Variants in SPG11 observed in about 807,000 individuals in gnomAD.
The protein encoded by SPG11 is SPG11 vesicle trafficking associated, spatacsin, also known as spatacsin.
SPG11 carries 222 observed loss-of-function variants against 274.0 expected under a neutral mutation model. The ratio of observed to expected loss-of-function variants is 0.81; its 90% CI spans 0.73 to 0.91. SPG11 has a LOEUF of 0.91. Ranked by LOEUF, SPG11 falls within the 40% of genes least tolerant of loss-of-function variation. The probability of loss-of-function intolerance (pLI) is 0.00; values close to 1 mark genes in which losing one functional copy is unlikely to be tolerated. For synonymous variants in SPG11, 1,144 were observed against 1,039.7 expected (o/e 1.10, Z -1.93); for missense variants, 3,114 against 2,872.7 (o/e 1.08, Z -1.92).
chr15:44,618,131 C>G (rs2083637331), intron 15 of SPG11, among the ~76,000 whole-genome samples: 2 of 152,058 alleles, frequency 1.3e-5, no homozygotes, highest in Admixed American at 1.3e-4. Flanking sequence ...TTGTCTTGCT[C>G]CAAATCTAAA....
intron 15 of SPG11, among the ~76,000 whole-genome samples, chr15:44,619,239 A>G (rs1392378984): frequency 6.6e-6 from 1 of 152,224 alleles, no homozygotes; most frequent in Non-Finnish European, 1.5e-5. Flanking sequence ...GTATACCCCA[A>G]TAAGTGTAAA....
In SPG11 at chr15:44,572,658, T is replaced by C. The variant is rs1464984276; in HGVS notation, c.6343+25A>G. On this transcript the variant is annotated intron_variant, in intron 33 of 39. Coordinates refer to ENST00000261866, the MANE Select transcript of SPG11 (RefSeq NM_025137.4). ...TTGAGACCTGTTTAGGGCCAAAATA[T>C]GTAAGAAAAAGGTCAATAACTTACT... The C allele has an allele frequency of 3.1e-6, 5 of 1,613,922 alleles. No homozygotes were observed. In the South Asian group the frequency reaches 5.5e-5, roughly 18 times the overall value.
Position 44,564,675 on chromosome 15 carries a change from G to C in SPG11, c.7023C>G (p.Tyr2341Ter), listed in dbSNP as rs80338869. 1 of 1,613,856 alleles carries C rather than the reference G, an allele frequency of 6.2e-7. No individual in the cohort carries two copies. The highest frequency in any genetic ancestry group is 1.3e-5 in the African/African-American group (1 of 74,878). Residue 2341 changes from tyrosine to a stop codon, truncating the protein, a stop_gained, in exon 39 of 40, where the codon TAC becomes TAG. Transcript: ENST00000261866. LOFTEE classifies it high-confidence loss of function. ...FYQASIVAEA[Y>*]DFVPDWAEIL... ...TTTCAGCCCAATCTGGAACAAAATC[G>C]TAGGCCTCAGCCACAATAGAAGCCT...
At chr15:44,662,391 T>C (rs1364631705) in intron 1 of SPG11, among the ~76,000 whole-genome samples, 1 of 151,972 alleles carries the variant, frequency 6.6e-6, no homozygotes, top group Non-Finnish European at 1.5e-5. Flanking sequence ...AAAGAACAGG[T>C]CAGGCTCAGT....
chr15:44,612,432 A>G (rs2083485068), intron 17 of SPG11, among the ~76,000 whole-genome samples: 1 of 152,210 alleles, frequency 6.6e-6, no homozygotes, highest in Non-Finnish European at 1.5e-5. Flanking sequence ...TTTTTAAAAA[A>G]GAGACAGGGT....
chr15:44,566,349 G>C, intron 36 of SPG11, 44 bp from the exon 37 acceptor site: 1 of 1,573,094 alleles, frequency 6.4e-7, no homozygotes. Flanking sequence ...GACTCCCAAA[G>C]CTCACTGTTC....
At chr15:44,600,759 G>T in intron 20 of SPG11, 127 bp from the exon 21 acceptor site, 1 of 978,776 alleles carries the variant, frequency 1.0e-6, no homozygotes, top group Non-Finnish European at 1.6e-6. Flanking sequence ...GTATCACTTT[G>T]AATCTACCAA....
chr15:44,638,586 T>C (rs1278187862), intron 7 of SPG11, among the ~76,000 whole-genome samples: 1 of 151,398 alleles, frequency 6.6e-6, no homozygotes, highest in African/African-American at 2.4e-5. Flanking sequence ...GGATAGCTTC[T>C]TAAAGAACAG....
chr15:44,642,185 G>A (rs916463310), intron 7 of SPG11, among the ~76,000 whole-genome samples: 7 of 150,806 alleles, frequency 4.6e-5, no homozygotes, highest in South Asian at 2.1e-4. Context: ...GGCAAATATC[G>A]TGAAACCCCA....
chr15:44,637,897 T>A (rs2084324911), intron 7 of SPG11, among the ~76,000 whole-genome samples: 1 of 152,208 alleles, frequency 6.6e-6, no homozygotes, highest in Non-Finnish European at 1.5e-5. Context: ...TCCATGCATG[T>A]TACTGCCTCT....
At chr15:44,567,267 C>G (rs2082329266) in intron 36 of SPG11, 157 bp downstream of exon 36, 1 of 704,208 alleles carries the variant, frequency 1.4e-6, no homozygotes, top group East Asian at 3.1e-5. Context: ...GGGAGAATCA[C>G]TTGAACCTGG....
At chr15:44,571,956 T>A (rs1185241405) in intron 33 of SPG11, among the ~76,000 whole-genome samples, 1 of 152,232 alleles carries the variant, frequency 6.6e-6, no homozygotes, top group Non-Finnish European at 1.5e-5. Context: ...CATGCCCCGC[T>A]AAGTTTTTAA....
At chr15:44,596,660 CAAAAAAAAAAAAAAAA>C (rs5812279) in intron 24 of SPG11, 108 bp downstream of exon 24, 11 of 271,402 alleles carry the variant, frequency 4.1e-5, no homozygotes, top group Middle Eastern at 1.4e-3. Flanking sequence ...GTATCCTGGT[CAAAAAAAAAAAAAAAA>C]AAAAAAAAAA....
chr15:44,645,980 A>T (rs1443222466), intron 7 of SPG11, among the ~76,000 whole-genome samples: 1 of 152,180 alleles, frequency 6.6e-6, no homozygotes, highest in East Asian at 1.9e-4. Flanking sequence ...TCAAAAAATA[A>T]CAGGTGCTAG....
intron 21 of SPG11, 132 bp from the exon 22 acceptor site, chr15:44,598,968 T>G: frequency 1.1e-6 from 1 of 922,418 alleles, no homozygotes; most frequent in Non-Finnish European, 1.7e-6. Context: ...CCTTACCTTT[T>G]GCCCCTTGCA....
At chr15:44,653,483 A>G (rs1382659305) in intron 4 of SPG11, among the ~76,000 whole-genome samples, 6 of 152,188 alleles carry the variant, frequency 3.9e-5, no homozygotes, top group Admixed American at 3.9e-4. Context: ...ATGACTGGCT[A>G]CACCTCTGAT....
rs1567140257 is a variant in SPG11 at position 44,585,758 on chromosome 15, C to CAA, written c.4997_4998dup (p.Glu1667LeufsTer27). 1 of 1,614,040 alleles carries CAA rather than the reference C, an allele frequency of 6.2e-7. No individual in the cohort carries two copies. The highest frequency in any genetic ancestry group is 2.2e-5 in the East Asian group (1 of 44,884). On this transcript the variant is annotated frameshift_variant, in exon 29 of 40. Coordinates refer to ENST00000261866, the MANE Select transcript of SPG11 (RefSeq NM_025137.4). LOFTEE classifies it high-confidence loss of function. ...GATCTACATTCATGCTGAAGATTCT[C>CAA]AATGCTGTAGCTGGTAATAATTGTA...
In SPG11 at chr15:44,584,219, T is replaced by G. The variant is rs142526742; in HGVS notation, c.5461A>C (p.Arg1821=). ...CTAGTTGAGATCTGTCGAGAAAATC[T>G]GGGCTCTGTTTCCTCCTGATTTCTT... The part of the protein sequence containing the change: ...LGRNQEETEP[R]FSRQISTSGE... Residue 1821 remains arginine, a synonymous_variant, in exon 30 of 40, where the codon AGA becomes CGA. Coordinates refer to ENST00000261866, the MANE Select transcript of SPG11 (RefSeq NM_025137.4). 2.2e-5 allele frequency: 35 copies of G among 1,614,236 alleles called. No homozygotes were observed. In the African/African-American group the frequency reaches 4.7e-4, roughly 22 times the overall value.
chr15:44,621,773 C>T lies in SPG11; in HGVS notation c.2606G>A (p.Arg869Lys), dbSNP rs1307155286. 1.2e-6 allele frequency: 2 copies of T among 1,613,438 alleles called. No homozygotes were observed. The highest frequency in any genetic ancestry group is 2.2e-5 in the South Asian group (2 of 91,074). Residue 869 changes from arginine to lysine, a missense_variant, in exon 14 of 40, where the codon AGG becomes AAG. By Grantham distance (26) the Arg-to-Lys change is conservative. Transcript: ENST00000261866. ...CTCACACTTGCCTTCTGGACTTATC[C>T]TGGGGAGAAGGATGGATTCTTGTGT... ...QLTQESILLPRISPEEYKSYS... is the reference protein window; with the variant it reads ...QLTQESILLPKISPEEYKSYS...
Sources: allele counts gnomAD v4.1 joint callset (sites outside exome capture counted in the v4.1 genomes callset), GRCh38; gene constraint gnomAD v4.1.1; transcripts MANE v1.5; gene names NCBI Gene and HGNC (gene_info 2026-07-23, HGNC 2026-07-21).